The following KCNK10 variants were observed in gnomAD, a reference collection of about 807,000 sequenced individuals.
KCNK10 encodes the protein potassium channel subfamily K member 10.
KCNK10 carries 25 observed loss-of-function variants against 47.7 expected under a neutral mutation model. That is an observed-to-expected ratio of 0.52 (90% CI 0.38 to 0.73). The LOEUF (loss-of-function observed/expected upper bound fraction) is 0.73, where lower values mean the gene tolerates loss of function less well. Among genes scored for constraint, KCNK10 ranks in the 30% least tolerant of loss-of-function variants. KCNK10 has a pLI of 0.00. For synonymous variants in KCNK10, 303 were observed against 285.6 expected (o/e 1.06, Z -0.61); for missense variants, 563 against 714.5 (o/e 0.79, Z 2.42).
At chr14:88,189,385 A>C (rs1164321929) in intron 5 of KCNK10, among the ~76,000 whole-genome samples, 1 of 152,162 alleles carries the variant, frequency 6.6e-6, no homozygotes, top group African/African-American at 2.4e-5. Context: ...ATACGATCTG[A>C]GTTCCCGCAC....
chr14:88,256,672 AT>A (rs112360660), intron 2 of KCNK10, among the ~76,000 whole-genome samples: 2,418 of 152,138 alleles, frequency 0.016, 60 homozygotes, highest in African/African-American at 0.056. Flanking sequence ...TAGAAATAAA[AT>A]TTTTCTATGA....
intron 1 of KCNK10, among the ~76,000 whole-genome samples, chr14:88,317,755 AC>A (rs1308504038): frequency 6.6e-6 from 1 of 152,248 alleles, no homozygotes; most frequent in Non-Finnish European, 1.5e-5. Context: ...TTTTTAAAGT[AC>A]AAATGAGATC....
intron 1 of KCNK10, among the ~76,000 whole-genome samples, chr14:88,291,410 G>A (rs971845007): frequency 6.6e-6 from 1 of 152,196 alleles, no homozygotes; most frequent in Non-Finnish European, 1.5e-5. Context: ...TCAATGCAGA[G>A]CTTGCATATG....
intron 1 of KCNK10, among the ~76,000 whole-genome samples, chr14:88,281,727 C>CATATATATATATATATATATATAT (rs10541410): frequency 1.4e-5 from 2 of 141,718 alleles, no homozygotes; most frequent in African/African-American, 5.4e-5. Context: ...TCTCTCTCTC[C>CATATATATATATATATATATATAT]ATATATATAT....
At chr14:88,187,623 G>GCA (rs1555359138) in intron 6 of KCNK10, among the ~76,000 whole-genome samples, 7 of 92,020 alleles carry the variant, frequency 7.6e-5, no homozygotes, top group Non-Finnish European at 1.1e-4. Flanking sequence ...AGGACAGGCT[G>GCA]CACCCCCCCA....
upstream of KCNK10, chr14:88,323,339 C>T: frequency 1.0e-6 from 1 of 964,540 alleles, no homozygotes; most frequent in Non-Finnish European, 1.2e-6. Flanking sequence ...GCTCCTCGCC[C>T]CCGGCGACGC....
chr14:88,322,776 G>A lies in KCNK10; in HGVS notation c.23C>T (p.Pro8Leu). Residue 8 changes from proline to leucine, a missense_variant, in exon 1 of 7, where the codon CCA (proline) becomes CTA (leucine). Pro to Leu is a moderately conservative substitution (Grantham distance 98). Coordinates refer to ENST00000319231, the MANE Select transcript of KCNK10 (RefSeq NM_138317.3). The surrounding 1 kb of genome is among the most constrained non-coding windows in gnomAD (Gnocchi z 4.8). ...AGGATCCCAGTTCACCTGTTTTCTT[G>A]GCGTCTCGATTGGAAATTTCATTGC... is the stretch of plus-strand genomic sequence containing the variant. MKFPIET[P>L]RKQVNWDPKV... is the part of the protein sequence containing the mutation. 1 of 1,614,166 alleles carries A rather than the reference G, an allele frequency of 6.2e-7. No homozygotes were observed. Among genetic ancestry groups the A allele is most frequent in the Non-Finnish European group, 8.5e-7 (1 of 1,180,030 alleles).
intron 4 of KCNK10, among the ~76,000 whole-genome samples, chr14:88,193,098 A>G (rs190948108): frequency 4.4e-4 from 67 of 152,188 alleles, no homozygotes; most frequent in Non-Finnish European, 8.4e-4. Flanking sequence ...TGACTGTATC[A>G]CTCACAAGAG....
chr14:88,291,151 G>A (rs1417904286), intron 1 of KCNK10, among the ~76,000 whole-genome samples: 1 of 152,194 alleles, frequency 6.6e-6, no homozygotes, highest in Non-Finnish European at 1.5e-5. Flanking sequence ...CCTGGTCGTG[G>A]AAACCACGGT....
At chr14:88,301,018 A>G (rs116459569) in intron 1 of KCNK10, among the ~76,000 whole-genome samples, 2,864 of 152,286 alleles carry the variant, frequency 0.019, 105 homozygotes, top group African/African-American at 0.065. Context: ...TCTACCATTC[A>G]CCAGCTCCAG....
chr14:88,263,184 G>T lies in KCNK10; in HGVS notation c.402+18C>A. ...CCACCCCACCAGCTGGCCTAAGATG[G>T]ACTCACTCCCTGCTCACCTGGATCA... On this transcript the variant is annotated intron_variant, in intron 2 of 6. Transcript: ENST00000319231. 1 of 1,599,874 alleles carries T rather than the reference G, an allele frequency of 6.3e-7. No homozygotes were observed. The highest frequency in any genetic ancestry group is 8.5e-7 in the Non-Finnish European group (1 of 1,169,892).
chr14:88,228,290 T>C (rs985394706), intron 3 of KCNK10, among the ~76,000 whole-genome samples: 4 of 151,140 alleles, frequency 2.6e-5, no homozygotes, highest in South Asian at 2.1e-4. Flanking sequence ...TCTACTAATA[T>C]GTATTTCAAA....
At chr14:88,248,216 C>T (rs1363672350) in intron 2 of KCNK10, among the ~76,000 whole-genome samples, 2 of 152,168 alleles carry the variant, frequency 1.3e-5, no homozygotes, top group Non-Finnish European at 2.9e-5. Flanking sequence ...TACTGGACTA[C>T]AAAAGCAGCT....
intron 1 of KCNK10, among the ~76,000 whole-genome samples, chr14:88,270,082 T>C (rs1887365067): frequency 6.6e-6 from 1 of 151,954 alleles, no homozygotes; most frequent in Non-Finnish European, 1.5e-5. Context: ...AAGGACAGCC[T>C]CCTCTCACCT....
chr14:88,180,578 A>G lies in KCNK10; in HGVS notation c.*4957T>C, dbSNP rs1394590429. ...CTCTCAAAATAATTTATTTTAATGC[A>G]CAGGGAACTATTTCAGATTTTTCAC... On this transcript the variant is annotated 3_prime_UTR_variant, in exon 7 of 7. Coordinates refer to ENST00000319231, the MANE Select transcript of KCNK10 (RefSeq NM_138317.3). The G allele has an allele frequency of 2.6e-6, 1 of 391,366 alleles. No individual in the cohort carries two copies. The highest frequency in any genetic ancestry group is 4.5e-6 in the Non-Finnish European group (1 of 221,966). 24.2% of individuals were successfully genotyped at this position (391,366 alleles called of 1,614,324 possible).
At chr14:88,316,294 G>A (rs187405394) in intron 1 of KCNK10, among the ~76,000 whole-genome samples, 18 of 151,990 alleles carry the variant, frequency 1.2e-4, no homozygotes, top group Non-Finnish European at 2.2e-4. Context: ...TCAATTCAGA[G>A]TACTCAGTCC....
At chr14:88,197,779 T>C (rs1397467157) in intron 4 of KCNK10, among the ~76,000 whole-genome samples, 1 of 148,312 alleles carries the variant, frequency 6.7e-6, no homozygotes, top group Non-Finnish European at 1.5e-5. Context: ...TCAGGGACCA[T>C]TCTAGTTGCA....
chr14:88,317,251 T>A (rs1434920446), intron 1 of KCNK10, among the ~76,000 whole-genome samples: 1 of 152,218 alleles, frequency 6.6e-6, no homozygotes, highest in Non-Finnish European at 1.5e-5. Flanking sequence ...CCAGGAAATC[T>A]AAGCTCCGCA....
At chr14:88,307,620 C>A (rs1888230633) in intron 1 of KCNK10, among the ~76,000 whole-genome samples, 1 of 152,054 alleles carries the variant, frequency 6.6e-6, no homozygotes, top group Non-Finnish European at 1.5e-5. Flanking sequence ...TAAATTATAT[C>A]TTAATAAAGC....
Sources: allele counts gnomAD v4.1 joint callset (sites outside exome capture counted in the v4.1 genomes callset), GRCh38; gene constraint gnomAD v4.1.1; non-coding constraint Gnocchi (gnomAD v3.1); transcripts MANE v1.5; gene names NCBI Gene and HGNC (gene_info 2026-07-23, HGNC 2026-07-21).